AFF4: variants seen among roughly 807,000 people sequenced by gnomAD.
AFF4 encodes the protein ALF transcription elongation factor 4, also known as AF4/FMR2 family member 4.
Under a neutral mutation model 124.8 loss-of-function variants are expected in AFF4, and 13 were observed. The ratio of observed to expected loss-of-function variants is 0.10; its 90% CI spans 0.07 to 0.17. AFF4 has a LOEUF of 0.17. AFF4 is among the 10% of genes least tolerant of loss of function. The probability of loss-of-function intolerance (pLI) is 1.00; values close to 1 mark genes in which losing one functional copy is unlikely to be tolerated. For synonymous variants in AFF4, 477 were observed against 496.1 expected (o/e 0.96, Z 0.51); for missense variants, 1,092 against 1,403.8 (o/e 0.78, Z 3.55).
intron 4 of AFF4, among the ~76,000 whole-genome samples, chr5:132,930,235 A>G (rs898387563): frequency 1.3e-5 from 2 of 152,210 alleles, no homozygotes; most frequent in Non-Finnish European, 2.9e-5. Context: ...TAAGAGATAA[A>G]GCCAAGAATG....
At chr5:132,891,793 T>G in intron 13 of AFF4, 1 of 276,272 alleles carries the variant, frequency 3.6e-6, no homozygotes, top group Non-Finnish European at 6.5e-6. Flanking sequence ...CAATGACTGG[T>G]TTCTATCTTT....
At chr5:132,920,270 G>A (rs1442486522) in intron 5 of AFF4, among the ~76,000 whole-genome samples, 8 of 151,538 alleles carry the variant, frequency 5.3e-5, no homozygotes, top group East Asian at 3.9e-4. Context: ...GGCTGGTCTC[G>A]AACTCCTGAC....
chr5:132,952,908 C>CA (rs148356119), intron 1 of AFF4, among the ~76,000 whole-genome samples: 30,897 of 149,990 alleles, frequency 0.21, 3,413 homozygotes, highest in African/African-American at 0.28. Flanking sequence ...AAACAAAAAA[C>CA]AAAAAAAAAC....
Position 132,887,710 on chromosome 5 carries a change from G to T in AFF4, c.2934-118C>A, listed in dbSNP as rs201050768. 2.7e-6 allele frequency: 4 copies of T among 1,487,416 alleles called. No homozygotes were observed. The East Asian group carries it at 9.1e-5, about 34-fold the overall frequency. The allele number at this position is 1,487,416 out of a possible 1,614,324, so 92.1% of individuals were successfully genotyped here. On this transcript the variant is annotated intron_variant, in intron 16 of 20. Coordinates refer to ENST00000265343, the MANE Select transcript of AFF4 (RefSeq NM_014423.4). Reference sequence around the variant, plus strand: ...CTAAATAAAAGCAAAAATACTCATTGAAGTATCTACTTCTCCTTTATCCAA... The same window carrying T: ...CTAAATAAAAGCAAAAATACTCATTTAAGTATCTACTTCTCCTTTATCCAA...
At chr5:132,926,903 C>T (rs976470432) in intron 5 of AFF4, 2 of 451,628 alleles carry the variant, frequency 4.4e-6, no homozygotes, top group African/African-American at 4.1e-5. Context: ...GCCTTCAAAG[C>T]TTTCTTAATA....
At chr5:132,917,705 C>CTTTTCTT (rs1760944246) in intron 5 of AFF4, among the ~76,000 whole-genome samples, 1 of 74,048 alleles carries the variant, frequency 1.4e-5, no homozygotes, top group African/African-American at 5.3e-5. Context: ...CTTTTCTTTT[C>CTTTTCTT]TTTTTTTTTT....
At chr5:132,938,104 G>GTT (rs1333286175) in intron 1 of AFF4, among the ~76,000 whole-genome samples, 2 of 143,254 alleles carry the variant, frequency 1.4e-5, no homozygotes, top group Admixed American at 1.4e-4. Context: ...ACCTGGTTTT[G>GTT]TTTTTTTTTT....
At chr5:132,952,731 T>C (rs1174936821) in intron 1 of AFF4, among the ~76,000 whole-genome samples, 1 of 152,006 alleles carries the variant, frequency 6.6e-6, no homozygotes, top group East Asian at 1.9e-4. Context: ...CCGTCTCTGC[T>C]AAAAATAACA....
intron 11 of AFF4, among the ~76,000 whole-genome samples, chr5:132,893,483 C>T (rs905527325): frequency 1.3e-5 from 2 of 152,090 alleles, no homozygotes; most frequent in African/African-American, 4.8e-5. Context: ...AGTTGTACAA[C>T]CATTACCACA....
At chr5:132,948,723 G>T in intron 1 of AFF4, 1 of 198,472 alleles carries the variant, frequency 5.0e-6, no homozygotes. Context: ...CCTTGAGGAA[G>T]AAGACATGTT....
intron 1 of AFF4, among the ~76,000 whole-genome samples, 177 bp from the exon 2 acceptor site, chr5:132,937,370 T>C (rs1481760056): frequency 2.0e-5 from 3 of 152,358 alleles, no homozygotes; most frequent in Middle Eastern, 3.4e-3. Context: ...ATACCAATAG[T>C]GTCTTCCACA....
At chr5:132,917,107 C>T (rs1404293367) in intron 5 of AFF4, among the ~76,000 whole-genome samples, 1 of 152,000 alleles carries the variant, frequency 6.6e-6, no homozygotes, top group African/African-American at 2.4e-5. Flanking sequence ...TTAGTAGAGA[C>T]AGGGTTTCTC....
chr5:132,883,484 T>C lies in AFF4; in HGVS notation c.3220A>G (p.Ser1074Gly). 1 of 1,614,092 alleles carries C rather than the reference T, an allele frequency of 6.2e-7. No individual in the cohort carries two copies. Among genetic ancestry groups the C allele is most frequent in the Non-Finnish European group, 8.5e-7 (1 of 1,180,030 alleles). The change falls in exon 20 of 21, where the codon AGT becomes GGT. Residue 1074 changes from serine (S) to glycine (G), a missense_variant. By Grantham distance (56) the Ser-to-Gly change is moderately conservative. Coordinates refer to ENST00000265343, the MANE Select transcript of AFF4 (RefSeq NM_014423.4). Reference protein sequence around the residue: ...GNSGNYSSGASSASASGSSVT... With the variant: ...GNSGNYSSGAGSASASGSSVT... ...GAAGAACCACTTGCAGAAGCACTACTGGCCCCAGATGAATAATTTCCTGAA... is the reference window on the plus strand; with the variant it reads ...GAAGAACCACTTGCAGAAGCACTACCGGCCCCAGATGAATAATTTCCTGAA...
rs1021340211 is a variant in AFF4, at chr5:132,876,204, C to G, written c.*4855G>C. On this transcript the variant is annotated 3_prime_UTR_variant, in exon 21 of 21. Coordinates refer to ENST00000265343, the MANE Select transcript of AFF4 (RefSeq NM_014423.4). ...GTTCTGTTGGTGAGCCCCCTACCCC[C>G]ACCCCACCCATCCCAGTACTGTTGA... 1 of 222,288 alleles carries G rather than the reference C, an allele frequency of 4.5e-6. No homozygotes were observed. The highest frequency in any genetic ancestry group is 9.0e-6 in the Non-Finnish European group (1 of 111,172). 13.8% of individuals were successfully genotyped at this position (222,288 alleles called of 1,614,324 possible). A position where few individuals can be genotyped will look rare whatever the true frequency, so the allele number is the denominator to read the frequency against.
In AFF4 at chr5:132,932,167, A is replaced by T. The variant is rs56157864; in HGVS notation, c.963+11T>A. On this transcript the variant is annotated intron_variant, in intron 4 of 20. Coordinates refer to ENST00000265343, the MANE Select transcript of AFF4 (RefSeq NM_014423.4). ...TAAAGAAATTGAAATGATTTTTTTTAAAAAACTTACTTTTAGGATTTCATC... is the reference window on the plus strand; with the variant it reads ...TAAAGAAATTGAAATGATTTTTTTTTAAAAACTTACTTTTAGGATTTCATC... The T allele has an allele frequency of 0.15, 240,133 of 1,575,186 alleles. 19,554 individuals carry two copies. The highest frequency in any genetic ancestry group is 0.19 in the South Asian group (16,039 of 84,174).
At chr5:132,885,247 T>A in intron 18 of AFF4, 128 bp from the exon 19 acceptor site, 1 of 429,814 alleles carries the variant, frequency 2.3e-6, no homozygotes, top group Non-Finnish European at 3.9e-6. Flanking sequence ...GACACCAAAA[T>A]ACGTGTGTGT....
At chr5:132,881,981 T>C (rs1759993646) in intron 20 of AFF4, among the ~76,000 whole-genome samples, 2 of 152,174 alleles carry the variant, frequency 1.3e-5, no homozygotes, top group South Asian at 4.2e-4. Context: ...ATTATGTTTT[T>C]ATAAATACAG....
intron 5 of AFF4, among the ~76,000 whole-genome samples, chr5:132,922,883 A>G (rs1300610293): frequency 1.3e-5 from 2 of 151,894 alleles, no homozygotes; most frequent in East Asian, 3.9e-4. Context: ...CTTAGTAATT[A>G]AAAAGAATGG....
chr5:132,899,962 A>AT (rs1165739303), intron 7 of AFF4, among the ~76,000 whole-genome samples: 34 of 152,342 alleles, frequency 2.2e-4, no homozygotes, highest in Admixed American at 2.1e-3. Flanking sequence ...GCACACACAC[A>AT]TTCATTATTA....
Sources: allele counts gnomAD v4.1 joint callset (sites outside exome capture counted in the v4.1 genomes callset), GRCh38; gene constraint gnomAD v4.1.1; transcripts MANE v1.5; gene names NCBI Gene and HGNC (gene_info 2026-07-23, HGNC 2026-07-21).